Variants in PPP1R14C observed in about 807,000 individuals in gnomAD.
PPP1R14C encodes protein phosphatase 1 regulatory inhibitor subunit 14C.
Under a neutral mutation model 20.4 loss-of-function variants are expected in PPP1R14C, and 16 were observed. The ratio of observed to expected loss-of-function variants is 0.78; its 90% CI spans 0.53 to 1.19. The LOEUF (loss-of-function observed/expected upper bound fraction) is 1.19. PPP1R14C is among the 50% of genes most tolerant of loss of function. The probability of loss-of-function intolerance (pLI) is 0.00; values close to 1 mark genes in which losing one functional copy is unlikely to be tolerated. For synonymous variants in PPP1R14C, 91 were observed against 91.0 expected (o/e 1.00, Z 0.00); for missense variants, 211 against 220.1 (o/e 0.96, Z 0.26).
At chr6:150,147,596 T>C (rs546670598) in intron 1 of PPP1R14C, among the ~76,000 whole-genome samples, 1 of 152,342 alleles carries the variant, frequency 6.6e-6, no homozygotes, top group South Asian at 2.1e-4. Flanking sequence ...AGCATCAAGA[T>C]AACATCTGTA....
intron 3 of PPP1R14C, among the ~76,000 whole-genome samples, chr6:150,217,226 C>T (rs1357478394): frequency 2.1e-5 from 3 of 145,844 alleles, no homozygotes; most frequent in Non-Finnish European, 3.0e-5. Context: ...GACGGAGTCT[C>T]GCTCTGTTGC....
intron 1 of PPP1R14C, among the ~76,000 whole-genome samples, chr6:150,187,019 A>G (rs187982859): frequency 7.9e-4 from 120 of 151,396 alleles, no homozygotes; most frequent in African/African-American, 2.8e-3. Flanking sequence ...CTTGTCGCCC[A>G]GGCTGGAGTG....
Position 150,189,065 on chromosome 6 carries a change from G to A in PPP1R14C, c.307-25679G>A, listed in dbSNP as rs1458552727. ...GTAGAGACAGGATTTTGCCATTTTG[G>A]TCAGGCTGGTCTCAAACTCCTGACC... On this transcript the variant is annotated intron_variant, in intron 1 of 3. Coordinates refer to ENST00000361131, the MANE Select transcript of PPP1R14C (RefSeq NM_030949.3). 4.6e-5 allele frequency among the ~76,000 whole-genome samples: 7 copies of A among 151,640 alleles called. No homozygotes were observed. In the South Asian group the frequency reaches 1.2e-3, roughly 27 times the overall value.
intron 3 of PPP1R14C, among the ~76,000 whole-genome samples, chr6:150,234,110 A>G (rs976358599): frequency 3.3e-5 from 5 of 152,218 alleles, no homozygotes; most frequent in Admixed American, 2.0e-4. Flanking sequence ...ACAATGTGGA[A>G]CAAACCAATG....
chr6:150,174,956 A>T (rs1485370334), intron 1 of PPP1R14C, among the ~76,000 whole-genome samples: 1 of 137,874 alleles, frequency 7.3e-6, no homozygotes, highest in Admixed American at 7.7e-5. Flanking sequence ...ACCGAGGGAG[A>T]TTCTGTCTCA....
intron 1 of PPP1R14C, among the ~76,000 whole-genome samples, chr6:150,159,021 G>A (rs536509662): frequency 6.6e-6 from 1 of 152,084 alleles, no homozygotes; most frequent in Non-Finnish European, 1.5e-5. Flanking sequence ...TTTTGGGGGG[G>A]CAGGAAAGAC....
intron 1 of PPP1R14C, among the ~76,000 whole-genome samples, chr6:150,168,533 C>CAACAA (rs370806291): frequency 0.16 from 24,361 of 148,894 alleles, 2,407 homozygotes; most frequent in South Asian, 0.28. Flanking sequence ...ACTCCCGTCT[C>CAACAA]AACAAAACAA....
intron 1 of PPP1R14C, among the ~76,000 whole-genome samples, chr6:150,209,732 A>G (rs930735683): frequency 7.3e-6 from 1 of 137,818 alleles, no homozygotes; most frequent in Non-Finnish European, 1.6e-5. Context: ...AGTAGTGTGG[A>G]GTGTGTGTAT....
At chr6:150,154,950 A>AC (rs1297684560) in intron 1 of PPP1R14C, among the ~76,000 whole-genome samples, 2 of 152,022 alleles carry the variant, frequency 1.3e-5, no homozygotes, top group Admixed American at 1.3e-4. Context: ...GTTTGACTTA[A>AC]GATTTTTAGG....
At position 150,143,173 on chromosome 6, in the gene PPP1R14C, A is replaced by C. The variant is rs1777134485; in HGVS notation, c.-20A>C. 1.5e-6 allele frequency: 2 copies of C among 1,308,232 alleles called. No homozygotes were observed. The highest frequency in any genetic ancestry group is 3.1e-5 in the African/African-American group (2 of 63,866). 81.0% of individuals were successfully genotyped at this position (1,308,232 alleles called of 1,614,324 possible). ...CCCGCCCCTCCTCCGGGCCGCACTGAGGCTCGGGCGCGCGGGGACATGTCG... is the reference window on the plus strand; with the variant it reads ...CCCGCCCCTCCTCCGGGCCGCACTGCGGCTCGGGCGCGCGGGGACATGTCG... On this transcript the variant is annotated 5_prime_UTR_variant, in exon 1 of 4. Coordinates refer to ENST00000361131, the MANE Select transcript of PPP1R14C (RefSeq NM_030949.3). The surrounding 1 kb of genome is among the most constrained non-coding windows in gnomAD (Gnocchi z 5.6).
intron 1 of PPP1R14C, among the ~76,000 whole-genome samples, chr6:150,153,543 C>G (rs1158146788): frequency 6.6e-6 from 1 of 152,228 alleles, no homozygotes; most frequent in Non-Finnish European, 1.5e-5. Context: ...AAGGAAGTAG[C>G]AAGTGCTTTT....
chr6:150,206,618 C>T (rs746641244), intron 1 of PPP1R14C, among the ~76,000 whole-genome samples: 5 of 151,740 alleles, frequency 3.3e-5, no homozygotes, highest in Admixed American at 6.6e-5. Flanking sequence ...GAAAGGGAGG[C>T]GTTCTACACG....
chr6:150,152,872 G>A (rs1201557066), intron 1 of PPP1R14C, among the ~76,000 whole-genome samples: 2 of 152,166 alleles, frequency 1.3e-5, no homozygotes, highest in East Asian at 3.9e-4. Flanking sequence ...AGGTTGAAAC[G>A]CTAGTCCCCA....
intron 1 of PPP1R14C, among the ~76,000 whole-genome samples, chr6:150,154,874 ACACT>A (rs1207054595): frequency 6.6e-6 from 1 of 152,224 alleles, no homozygotes; most frequent in Non-Finnish European, 1.5e-5. Context: ...GACAGCACAG[ACACT>A]CACAGCCACC....
At chr6:150,194,497 A>T in intron 1 of PPP1R14C, 1 of 979,550 alleles carries the variant, frequency 1.0e-6, no homozygotes. Context: ...GTTCTACTAC[A>T]ATTTGTATGC....
chr6:150,221,006 C>T (rs990101387), intron 3 of PPP1R14C, among the ~76,000 whole-genome samples: 9 of 152,178 alleles, frequency 5.9e-5, no homozygotes, highest in African/African-American at 2.2e-4. Flanking sequence ...CTTTTTTTAG[C>T]TCCCATTTCT....
In PPP1R14C at chr6:150,191,012, C is replaced by T. The variant is rs143870095; in HGVS notation, c.307-23732C>T. On this transcript the variant is annotated intron_variant, in intron 1 of 3. Coordinates refer to ENST00000361131, the MANE Select transcript of PPP1R14C (RefSeq NM_030949.3). ...CTCCCCCACCCTACCCACACGGTTA[C>T]CTCTCTGATCCCCTACTTCTTTGCC... Among the ~76,000 whole-genome samples the T allele has an allele frequency of 7.9e-3, 1,204 of 152,298 alleles. 18 individuals carry two copies. The highest frequency in any genetic ancestry group is 0.026 in the African/African-American group (1,092 of 41,554).
chr6:150,194,421 T>G (rs765926622), intron 1 of PPP1R14C: 1 of 981,690 alleles, frequency 1.0e-6, no homozygotes, highest in African/African-American at 1.7e-5. Flanking sequence ...TGAGAGTATG[T>G]ACAAAATGAT....
chr6:150,198,187 T>A (rs1435814035), intron 1 of PPP1R14C, among the ~76,000 whole-genome samples: 49 of 146,510 alleles, frequency 3.3e-4, no homozygotes, highest in Non-Finnish European at 7.5e-5. Context: ...ATGCCCGGCT[T>A]TGTGTGCCCC....
Sources: allele counts gnomAD v4.1 joint callset (sites outside exome capture counted in the v4.1 genomes callset), GRCh38; gene constraint gnomAD v4.1.1; non-coding constraint Gnocchi (gnomAD v3.1); transcripts MANE v1.5; gene names NCBI Gene and HGNC (gene_info 2026-07-23, HGNC 2026-07-21).